The following GIN1 variants were observed in gnomAD, a reference collection of about 807,000 sequenced individuals.
GIN1 encodes gypsy retrotransposon integrase-like protein 1.
In GIN1, 41 loss-of-function variants were observed where a neutral mutation model predicts 51.4. The ratio of observed to expected loss-of-function variants is 0.80; its 90% CI spans 0.62 to 1.04. The LOEUF (loss-of-function observed/expected upper bound fraction) is 1.04, where lower values mean the gene tolerates loss of function less well. GIN1 is among the 50% of genes least tolerant of loss of function. The pLI, the probability that GIN1 is intolerant of heterozygous loss-of-function variation, is 0.00. For missense variants in GIN1, 610 were observed against 612.4 expected (o/e 1.00, Z 0.04); for synonymous variants, 222 against 206.5 (o/e 1.07, Z -0.64).
intron 7 of GIN1, among the ~76,000 whole-genome samples, chr5:103,092,138 C>G (rs957318819): frequency 6.6e-6 from 1 of 151,998 alleles, no homozygotes; most frequent in Non-Finnish European, 1.5e-5. Context: ...TGCCTCAGCC[C>G]GCTAAGTAGC....
intron 2 of GIN1, among the ~76,000 whole-genome samples, chr5:103,107,301 G>C (rs1328559069): frequency 5.9e-5 from 9 of 151,764 alleles, no homozygotes; most frequent in Admixed American, 1.3e-4. Context: ...CAACTTCCTG[G>C]AACAGAATTT....
chr5:103,093,467 G>C (rs1458174701), intron 7 of GIN1, among the ~76,000 whole-genome samples: 1 of 152,162 alleles, frequency 6.6e-6, no homozygotes, highest in Non-Finnish European at 1.5e-5. Context: ...TTCCAGACAG[G>C]AACACAACAG....
intron 4 of GIN1, among the ~76,000 whole-genome samples, chr5:103,101,315 A>C (rs1554195773): frequency 6.6e-6 from 1 of 152,246 alleles, no homozygotes; most frequent in African/African-American, 2.4e-5. Context: ...AGTTGGACAG[A>C]GCAGGACAGC....
intron 4 of GIN1, 30 bp from the exon 5 acceptor site, chr5:103,097,811 T>C: frequency 2.1e-6 from 2 of 965,584 alleles, no homozygotes; most frequent in South Asian, 3.3e-5. Flanking sequence ...AAGGTGGCTT[T>C]TTAAAATTTG....
chr5:103,115,853 C>G (rs1410280514), intron 1 of GIN1, among the ~76,000 whole-genome samples: 1 of 152,098 alleles, frequency 6.6e-6, no homozygotes, highest in African/African-American at 2.4e-5. Context: ...GAGATGGCAG[C>G]AGGGGATGAC....
rs1787790273 is a variant in GIN1 at position 103,108,607 on chromosome 5, C to T, written c.101G>A (p.Ser34Asn). 1 of 1,605,770 alleles carries T rather than the reference C, an allele frequency of 6.2e-7. No individual in the cohort carries two copies. Among genetic ancestry groups the T allele is most frequent in the Admixed American group, 1.7e-5 (1 of 59,632 alleles). ...YHSTTLPSER[S>N]GIRRAAKKFV... is the part of the protein sequence containing the mutation. ...TTTTTTTGCTGCTCTTCTTATGCCACTTCTCTCACTTGGCAGTGTAGTTGA... is the reference window on the plus strand; with the variant it reads ...TTTTTTTGCTGCTCTTCTTATGCCATTTCTCTCACTTGGCAGTGTAGTTGA... The change falls in exon 2 of 8, where the codon AGT becomes AAT. Residue 34 changes from serine (S) to asparagine (N), a missense_variant. Coordinates refer to ENST00000399004, the MANE Select transcript of GIN1 (RefSeq NM_017676.2).
chr5:103,114,410 G>A (rs1241869606), intron 1 of GIN1, among the ~76,000 whole-genome samples: 2 of 152,204 alleles, frequency 1.3e-5, no homozygotes, highest in African/African-American at 2.4e-5. Context: ...TAGATGTGTG[G>A]AGTAAACACA....
At chr5:103,097,136 A>T (rs1010424659) in intron 6 of GIN1, among the ~76,000 whole-genome samples, 178 bp downstream of exon 6, 1 of 152,248 alleles carries the variant, frequency 6.6e-6, no homozygotes, top group Non-Finnish European at 1.5e-5. Context: ...GCCTCTCAGC[A>T]TTTCATAGCT....
At chr5:103,099,869 T>C (rs989517753) in intron 4 of GIN1, among the ~76,000 whole-genome samples, 4 of 152,214 alleles carry the variant, frequency 2.6e-5, no homozygotes, top group Admixed American at 2.0e-4. Context: ...TATTCAACTA[T>C]ACAATAAACC....
chr5:103,096,543 T>C lies in GIN1; in HGVS notation c.1292A>G (p.Gln431Arg), dbSNP rs781815767. Residue 431 changes from glutamine to arginine, a missense_variant and splice_region_variant, in exon 7 of 8, where the codon CAA (glutamine) becomes CGA (arginine). Coordinates refer to ENST00000399004, the MANE Select transcript of GIN1 (RefSeq NM_017676.2). ...LKPYIRESSEQESLYLLQGSV... is the reference protein window; with the variant it reads ...LKPYIRESSERESLYLLQGSV... Reference sequence around the variant, plus strand: ...GTAGAGAAGTGACAGATATTTACCTTGTTCACTGGATTCTCTTATGTAGGG... The same window carrying C: ...GTAGAGAAGTGACAGATATTTACCTCGTTCACTGGATTCTCTTATGTAGGG... 3 of 1,598,252 alleles carry C rather than the reference T, an allele frequency of 1.9e-6. No individual in the cohort carries two copies. The African/African-American group carries it at 4.0e-5, about 21-fold the overall frequency.
intron 1 of GIN1, among the ~76,000 whole-genome samples, chr5:103,113,134 A>T: frequency 6.6e-6 from 1 of 152,166 alleles, no homozygotes; most frequent in East Asian, 1.9e-4. Flanking sequence ...TCTGTCTCTA[A>T]TATGGTCCCT....
intron 7 of GIN1, among the ~76,000 whole-genome samples, chr5:103,091,811 T>C (rs1457120200): frequency 6.6e-6 from 1 of 151,736 alleles, no homozygotes; most frequent in African/African-American, 2.4e-5. Context: ...GATCACTTGA[T>C]GTCAGGAGTT....
chr5:103,110,375 G>A (rs1202509840), intron 1 of GIN1, among the ~76,000 whole-genome samples: 1 of 151,996 alleles, frequency 6.6e-6, no homozygotes, highest in Admixed American at 6.6e-5. Context: ...TGTATGCAAG[G>A]AACTTCTAAA....
At chr5:103,106,044 T>C (rs34826) in intron 3 of GIN1, among the ~76,000 whole-genome samples, 38,782 of 151,986 alleles carry the variant, frequency 0.26, 5,510 homozygotes, top group East Asian at 0.45. Context: ...CTTTTTGATG[T>C]ACTACTACAA....
chr5:103,092,215 C>A (rs562987146), intron 7 of GIN1, among the ~76,000 whole-genome samples: 1 of 152,080 alleles, frequency 6.6e-6, no homozygotes, highest in East Asian at 1.9e-4. Context: ...ACTATGTTGC[C>A]CATGCTGGTC....
intron 4 of GIN1, among the ~76,000 whole-genome samples, chr5:103,100,697 G>A (rs1554195695): frequency 6.6e-6 from 1 of 151,324 alleles, no homozygotes; most frequent in East Asian, 2.0e-4. Context: ...TGGCCCTATT[G>A]TTACCTTTAG....
intron 1 of GIN1, among the ~76,000 whole-genome samples, chr5:103,110,030 T>C (rs1554196766): frequency 1.3e-5 from 2 of 151,996 alleles, no homozygotes. Context: ...TAGATAACTG[T>C]ATTAGGGGAA....
In GIN1 at chr5:103,087,247, A is replaced by T. The variant is rs1303066206; in HGVS notation, c.*651T>A. 6.6e-6 allele frequency: 1 copy of T among 152,286 alleles called. No homozygotes were observed. 9.4% of individuals were successfully genotyped at this position (152,286 alleles called of 1,614,324 possible). ...TGCCTTGGCTTCCCAAAGCGCTGGG[A>T]TTACAGGTGTGGGCCACCATGCCTG... On this transcript the variant is annotated 3_prime_UTR_variant, in exon 8 of 8. Coordinates refer to ENST00000399004, the MANE Select transcript of GIN1 (RefSeq NM_017676.2).
intron 4 of GIN1, among the ~76,000 whole-genome samples, chr5:103,101,898 T>G (rs150472377): frequency 6.6e-6 from 1 of 152,348 alleles, no homozygotes; most frequent in African/African-American, 2.4e-5. Flanking sequence ...GGATGGCCTT[T>G]ACGTACTCCA....
Sources: gnomAD v4.1 joint callset for allele counts (sites outside exome capture counted in the v4.1 genomes callset) on GRCh38, gnomAD v4.1.1 for gene constraint, MANE v1.5 for transcripts, NCBI Gene and HGNC (gene_info 2026-07-23, HGNC 2026-07-21) for gene names.